The following TNNI3K variants were observed in gnomAD, a reference collection of about 807,000 sequenced individuals.
The protein encoded by TNNI3K is serine/threonine-protein kinase TNNI3K.
Under a neutral mutation model 114.5 loss-of-function variants are expected in TNNI3K, and 140 were observed. That is an observed-to-expected ratio of 1.22 (90% CI 1.07 to 1.41). TNNI3K has a LOEUF of 1.41. Ranked by LOEUF, TNNI3K falls within the 40% of genes most tolerant of loss-of-function variation. The pLI is 0.00. For synonymous variants in TNNI3K, 347 were observed against 347.5 expected (o/e 1.00, Z 0.02); for missense variants, 1,125 against 1,007.6 (o/e 1.12, Z -1.58).
intron 20 of TNNI3K, among the ~76,000 whole-genome samples, chr1:74,440,934 G>T (rs1231652660): frequency 6.6e-6 from 1 of 151,930 alleles, no homozygotes; most frequent in Non-Finnish European, 1.5e-5. Context: ...AACTCCTTTT[G>T]CTTCATCCCC....
chr1:74,370,016 C>T, intron 16 of TNNI3K: 1 of 247,678 alleles, frequency 4.0e-6, no homozygotes, highest in Non-Finnish European at 7.6e-6. Flanking sequence ...TTTCATTTTA[C>T]AATATTACAA....
chr1:74,436,195 G>A (rs1666120979), intron 18 of TNNI3K, 63 bp downstream of exon 18: 4 of 1,580,674 alleles, frequency 2.5e-6, no homozygotes, highest in Non-Finnish European at 3.5e-6. Flanking sequence ...TATGGTGCCT[G>A]ATATTGTACC....
intron 17 of TNNI3K, among the ~76,000 whole-genome samples, chr1:74,385,389 T>C (rs1663420574): frequency 6.6e-6 from 1 of 152,168 alleles, no homozygotes; most frequent in South Asian, 2.1e-4. Flanking sequence ...TTCCTTCTCA[T>C]GTGGATACAA....
chr1:74,301,406 A>T (rs187937259), intron 5 of TNNI3K, among the ~76,000 whole-genome samples: 140 of 152,206 alleles, frequency 9.2e-4, no homozygotes, highest in Non-Finnish European at 1.6e-3. Context: ...TCTCAAAAAA[A>T]ATGATGGGGA....
At chr1:74,392,295 G>T (rs761706139) in intron 17 of TNNI3K, among the ~76,000 whole-genome samples, 7 of 152,208 alleles carry the variant, frequency 4.6e-5, no homozygotes, top group Non-Finnish European at 8.8e-5. Flanking sequence ...AGTAGATGTT[G>T]CAAAATAGAA....
At chr1:74,334,978 T>G (rs1660392174) in intron 6 of TNNI3K, among the ~76,000 whole-genome samples, 1 of 152,204 alleles carries the variant, frequency 6.6e-6, no homozygotes, top group African/African-American at 2.4e-5. Context: ...AATGTGGAGA[T>G]GATTTTTAAA....
At chr1:74,336,247 A>G (rs1660456652) in intron 7 of TNNI3K, 98 bp downstream of exon 7, 6 of 1,398,254 alleles carry the variant, frequency 4.3e-6, no homozygotes. Context: ...AAGTTGACTA[A>G]TCCTGTAGTC....
chr1:74,369,022 A>G lies in TNNI3K; in HGVS notation c.1322A>G (p.Glu441Gly). 1 of 1,596,560 alleles carries G rather than the reference A, an allele frequency of 6.3e-7. No individual in the cohort carries two copies. Among genetic ancestry groups the G allele is most frequent in the South Asian group, 1.1e-5 (1 of 86,958 alleles). The change falls in exon 14 of 25, where the codon GAG becomes GGG. Residue 441 changes from glutamate to glycine, a missense_variant and splice_region_variant. By Grantham distance (98) the Glu-to-Gly change is moderately conservative. Transcript: ENST00000326637. ...PLGKIKSMTK[E>G]KADILLLRAG... is the part of the protein sequence containing the mutation. ...ATAAAATGACAATTTCTCTTTGCAG[A>G]GAAGGCAGATATTCTCCTCCTAAGA...
At chr1:74,251,020 T>C (rs995553115) in intron 4 of TNNI3K, among the ~76,000 whole-genome samples, 1 of 152,134 alleles carries the variant, frequency 6.6e-6, no homozygotes, top group Non-Finnish European at 1.5e-5. Flanking sequence ...ATATGATTAT[T>C]ATCCCCAAGG....
chr1:74,235,551 A>C, intron 1 of TNNI3K, 60 bp downstream of exon 1: 2 of 902,444 alleles, frequency 2.2e-6, no homozygotes, highest in Admixed American at 5.2e-5. Flanking sequence ...ATAGTTACTG[A>C]TAACTAACAA....
Position 74,257,524 on chromosome 1 carries a change from T to G in TNNI3K, c.333+6755T>G, listed in dbSNP as rs879429697. Among the ~76,000 whole-genome samples the G allele has an allele frequency of 2.0e-5, 3 of 151,982 alleles. 1 individual carries two copies. Among genetic ancestry groups the G allele is most frequent in the South Asian group, 4.2e-4 (2 of 4,798 alleles). On this transcript the variant is annotated intron_variant, in intron 4 of 24. Transcript: ENST00000326637. ...TCATCTTCCTTTAAAGAATGTTGAGTTTTTTTTATGTTTGTTTTTCTTTCA... is the reference window on the plus strand; with the variant it reads ...TCATCTTCCTTTAAAGAATGTTGAGGTTTTTTTATGTTTGTTTTTCTTTCA...
chr1:74,446,262 G>C (rs879390224), intron 20 of TNNI3K, among the ~76,000 whole-genome samples: 24 of 150,612 alleles, frequency 1.6e-4, no homozygotes, highest in South Asian at 6.3e-4. Flanking sequence ...TCTCATAGTG[G>C]TTTTGATTTG....
At chr1:74,242,887 C>G (rs1001115829) in intron 2 of TNNI3K, among the ~76,000 whole-genome samples, 1 of 151,992 alleles carries the variant, frequency 6.6e-6, no homozygotes, top group Non-Finnish European at 1.5e-5. Flanking sequence ...TGTTCTCCCT[C>G]TCCTTCTCCA....
chr1:74,493,967 G>T (rs1669205612), intron 23 of TNNI3K, among the ~76,000 whole-genome samples: 1 of 152,168 alleles, frequency 6.6e-6, no homozygotes, highest in African/African-American at 2.4e-5. Context: ...GAGTGGGAAT[G>T]GGGTCATAGT....
intron 5 of TNNI3K, among the ~76,000 whole-genome samples, chr1:74,324,071 C>T (rs961316476): frequency 5.9e-5 from 9 of 152,234 alleles, no homozygotes; most frequent in African/African-American, 1.9e-4. Flanking sequence ...GTCTTGAGGT[C>T]TCCCTCACAA....
At chr1:74,331,662 CATA>C (rs1660213016) in intron 6 of TNNI3K, 114 bp downstream of exon 6, 3 of 954,144 alleles carry the variant, frequency 3.1e-6, no homozygotes, top group Non-Finnish European at 2.9e-6. Context: ...TTATTTTTGC[CATA>C]TTCTCATCAA....
intron 21 of TNNI3K, among the ~76,000 whole-genome samples, chr1:74,465,302 G>T (rs1044489988): frequency 4.6e-5 from 7 of 152,204 alleles, no homozygotes; most frequent in African/African-American, 1.7e-4. Context: ...GAGGTAACCA[G>T]CTGGCGCTCG....
chr1:74,501,275 A>G (rs946873405), intron 23 of TNNI3K, among the ~76,000 whole-genome samples: 3 of 151,988 alleles, frequency 2.0e-5, no homozygotes, highest in Non-Finnish European at 4.4e-5. Context: ...TGTTCATTGC[A>G]TTTCTAATTC....
At chr1:74,248,711 G>A (rs1557447798) in intron 2 of TNNI3K, among the ~76,000 whole-genome samples, 1 of 152,050 alleles carries the variant, frequency 6.6e-6, no homozygotes, top group Non-Finnish European at 1.5e-5. Flanking sequence ...ACCTTCTCCT[G>A]TCCTCTTGTC....
Sources: gnomAD v4.1 joint callset for allele counts (sites outside exome capture counted in the v4.1 genomes callset) on GRCh38, gnomAD v4.1.1 for gene constraint, MANE v1.5 for transcripts, NCBI Gene and HGNC (gene_info 2026-07-23, HGNC 2026-07-21) for gene names.